ZDHHC17: variants seen among roughly 807,000 people sequenced by gnomAD.
ZDHHC17 encodes zDHHC palmitoyltransferase 17, also known as palmitoyltransferase ZDHHC17.
Under a neutral mutation model 90.3 loss-of-function variants are expected in ZDHHC17, and 40 were observed. That is an observed-to-expected ratio of 0.44 (90% confidence interval 0.34 to 0.58). The LOEUF (loss-of-function observed/expected upper bound fraction) is 0.58. ZDHHC17 is among the 20% of genes least tolerant of loss of function. ZDHHC17 has a pLI of 0.01. For synonymous variants in ZDHHC17, 235 were observed against 252.4 expected, an observed-to-expected ratio of 0.93 and a Z score of 0.65; for missense variants, 614 against 780.8, an observed-to-expected ratio of 0.79 and a Z score of 2.55.
rs1953146345 is a variant in ZDHHC17 at position 76,820,168 on chromosome 12, G to A, written c.772-2238G>A. On this transcript the variant is annotated intron_variant, in intron 7 of 16. Transcript: ENST00000426126. ...GGGTCCATGGACCCCTGAAATTGTT[G>A]AAAAAAAGTTACTTGTATCAGCATT... Among the ~76,000 whole-genome samples, 3 of 151,812 alleles carry A rather than the reference G, an allele frequency of 2.0e-5. No individual in the cohort carries two copies. The South Asian group carries it at 6.2e-4, about 32-fold the overall frequency.
intron 1 of ZDHHC17, among the ~76,000 whole-genome samples, chr12:76,794,279 T>A (rs1952794440): frequency 6.7e-6 from 1 of 148,862 alleles, no homozygotes; most frequent in African/African-American, 2.4e-5. Context: ...TAAAAATTAT[T>A]ATCTATGTTA....
intron 2 of ZDHHC17, among the ~76,000 whole-genome samples, chr12:76,804,134 T>C (rs1489365159): frequency 6.6e-6 from 1 of 152,186 alleles, no homozygotes. Flanking sequence ...ACAGGTTGGC[T>C]AAAAGGTTGG....
Position 76,848,354 on chromosome 12 carries a change from G to C in ZDHHC17, c.1629G>C (p.Met543Ile), listed in dbSNP as rs1391486222. The C allele has an allele frequency of 6.2e-7, 1 of 1,613,898 alleles. No homozygotes were observed. The highest frequency in any genetic ancestry group is 1.7e-5 in the Admixed American group (1 of 60,016). Reference sequence around the variant, plus strand: ...TCCTGAACAGTGTTTTCCACTTCATGTGGGTGGCTGTATTACTCATGTGTC... The same window carrying C: ...TCCTGAACAGTGTTTTCCACTTCATCTGGGTGGCTGTATTACTCATGTGTC... ...WMFLNSVFHF[M>I]WVAVLLMCQM... The change falls in exon 15 of 17, where the codon ATG (methionine) becomes ATC (isoleucine). Residue 543 changes from methionine to isoleucine, a missense_variant. Physicochemically the swap from Met to Ile is conservative, Grantham distance 10 (BLOSUM62 1). Coordinates refer to ENST00000426126, the MANE Select transcript of ZDHHC17 (RefSeq NM_015336.4).
At chr12:76,821,254 A>C in intron 7 of ZDHHC17, 1 of 574,546 alleles carries the variant, frequency 1.7e-6, no homozygotes, top group Non-Finnish European at 2.5e-6. Context: ...TTTTAAAGTA[A>C]ATATCCCTAT....
chr12:76,844,661 G>A (rs1953472669), intron 12 of ZDHHC17: 1 of 152,128 alleles, frequency 6.6e-6, no homozygotes, highest in South Asian at 2.1e-4. Context: ...AACAACTGTG[G>A]TGAAGAATAA....
intron 1 of ZDHHC17, among the ~76,000 whole-genome samples, chr12:76,789,986 C>T (rs1279418314): frequency 6.6e-6 from 1 of 152,080 alleles, no homozygotes; most frequent in Non-Finnish European, 1.5e-5. Context: ...CTAATGAACT[C>T]TGCACAAAGT....
chr12:76,842,996 T>A lies in ZDHHC17; in HGVS notation c.1329+15T>A. 1 of 1,604,498 alleles carries A rather than the reference T, an allele frequency of 6.2e-7. No individual in the cohort carries two copies. Among genetic ancestry groups the A allele is most frequent in the Non-Finnish European group, 8.5e-7 (1 of 1,173,926 alleles). ...GTACCTGTTTGGTAGTATTTTCTTC[T>A]TTGTTCTTCCCTCCCTTCTCTTCCT... is the stretch of plus-strand genomic sequence containing the variant. On this transcript the variant is annotated intron_variant, in intron 12 of 16. Coordinates refer to ENST00000426126, the MANE Select transcript of ZDHHC17 (RefSeq NM_015336.4).
At chr12:76,807,755 C>T (rs187013888) in intron 3 of ZDHHC17, among the ~76,000 whole-genome samples, 2 of 152,190 alleles carry the variant, frequency 1.3e-5, no homozygotes, top group East Asian at 1.9e-4. Context: ...AAAAATGAAT[C>T]TCAGGAACAG....
rs1403318622 is a variant in ZDHHC17 at position 76,852,296 on chromosome 12, TG to T, written c.*1315del. The T allele has an allele frequency of 6.6e-6, 1 of 152,562 alleles. No homozygotes were observed. Among genetic ancestry groups the T allele is most frequent in the Non-Finnish European group, 1.5e-5 (1 of 68,022 alleles). 9.5% of individuals were successfully genotyped at this position (152,562 alleles called of 1,614,324 possible). Reference sequence around the variant, plus strand: ...CCTGTGGGAAATCTGTGAGAGGGAATGGGGTGGGAGATGTGGGGGAATGGTG... The same window carrying T: ...CCTGTGGGAAATCTGTGAGAGGGAATGGGTGGGAGATGTGGGGGAATGGTG... On this transcript the variant is annotated 3_prime_UTR_variant, in exon 17 of 17. Coordinates refer to ENST00000426126, the MANE Select transcript of ZDHHC17 (RefSeq NM_015336.4).
At chr12:76,834,778 G>A (rs1183972567) in intron 10 of ZDHHC17, among the ~76,000 whole-genome samples, 1 of 152,170 alleles carries the variant, frequency 6.6e-6, no homozygotes, top group African/African-American at 2.4e-5. Context: ...CCCTCCATTA[G>A]AGAGGTCCTT....
chr12:76,786,804 A>T (rs1449624215), intron 1 of ZDHHC17, among the ~76,000 whole-genome samples: 1 of 152,190 alleles, frequency 6.6e-6, no homozygotes, highest in African/African-American at 2.4e-5. Flanking sequence ...TCTTTAGATG[A>T]TCTTCTAAAA....
intron 10 of ZDHHC17, among the ~76,000 whole-genome samples, chr12:76,829,056 A>G (rs1157983651): frequency 6.6e-6 from 1 of 152,208 alleles, no homozygotes; most frequent in Non-Finnish European, 1.5e-5. Context: ...TAAAAGGTCA[A>G]AAAGCAATAA....
At chr12:76,834,271 A>G (rs568170887) in intron 10 of ZDHHC17, among the ~76,000 whole-genome samples, 8 of 152,310 alleles carry the variant, frequency 5.3e-5, no homozygotes, top group Non-Finnish European at 1.2e-4. Context: ...ATTGACTGAC[A>G]TAGTATAGTC....
chr12:76,823,153 T>C (rs1301435065), intron 8 of ZDHHC17, among the ~76,000 whole-genome samples: 3 of 152,178 alleles, frequency 2.0e-5, no homozygotes, highest in Non-Finnish European at 2.9e-5. Context: ...TGTTAAGTAA[T>C]AGATAAAAAT....
At chr12:76,817,025 C>T (rs1953096797) in intron 7 of ZDHHC17, among the ~76,000 whole-genome samples, 1 of 151,966 alleles carries the variant, frequency 6.6e-6, no homozygotes, top group African/African-American at 2.4e-5. Flanking sequence ...TATCATAGTG[C>T]CTGATAAGCG....
chr12:76,806,145 G>A (rs1418812299), intron 3 of ZDHHC17, among the ~76,000 whole-genome samples: 1 of 152,138 alleles, frequency 6.6e-6, no homozygotes, highest in African/African-American at 2.4e-5. Flanking sequence ...ACTCAGGTTG[G>A]AGTGTAGTGG....
intron 1 of ZDHHC17, among the ~76,000 whole-genome samples, chr12:76,792,733 A>G (rs552157715): frequency 6.6e-6 from 1 of 152,322 alleles, no homozygotes; most frequent in East Asian, 1.9e-4. Context: ...TTAAAAAAAT[A>G]TATGAAATCA....
chr12:76,786,635 C>T (rs866585210), intron 1 of ZDHHC17, among the ~76,000 whole-genome samples: 1 of 152,114 alleles, frequency 6.6e-6, no homozygotes, highest in Non-Finnish European at 1.5e-5. Flanking sequence ...GTGGTCCTTC[C>T]CCATCAGCCT....
At chr12:76,786,585 C>T (rs1952690592) in intron 1 of ZDHHC17, among the ~76,000 whole-genome samples, 1 of 152,114 alleles carries the variant, frequency 6.6e-6, no homozygotes, top group South Asian at 2.1e-4. Context: ...GAGACAGTCT[C>T]ACTATGTTCC....
Sources: gnomAD v4.1 joint callset for allele counts (sites outside exome capture counted in the v4.1 genomes callset) on GRCh38, gnomAD v4.1.1 for gene constraint, MANE v1.5 for transcripts, NCBI Gene and HGNC (gene_info 2026-07-23, HGNC 2026-07-21) for gene names.